Variants in CDHR3 observed in about 807,000 individuals in gnomAD.
The protein encoded by CDHR3 is cadherin related family member 3, also known as cadherin-related family member 3.
CDHR3 carries 79 observed loss-of-function variants against 86.6 expected under a neutral mutation model. That is an observed-to-expected ratio of 0.91 (90% CI 0.76 to 1.10). The LOEUF is 1.10. CDHR3 is among the 50% of genes least tolerant of loss of function. The pLI, the probability that CDHR3 is intolerant of heterozygous loss-of-function variation, is 0.00. For missense variants in CDHR3, 1,081 were observed against 1,077.6 expected (o/e 1.00, Z -0.04); for synonymous variants, 421 against 402.4 (o/e 1.05, Z -0.55).
chr7:106,032,409 T>G lies in CDHR3; in HGVS notation c.2370T>G (p.Tyr790Ter), dbSNP rs1400411313. 6.2e-7 allele frequency: 1 copy of G among 1,609,782 alleles called. No homozygotes were observed. Among genetic ancestry groups the G allele is most frequent in the South Asian group, 1.1e-5 (1 of 90,790 alleles). The stretch of plus-strand genomic sequence containing the variant: ...TTTCACTAGTGACCGGGGAAACATA[T>G]GAATTCAACTCAAAAACTGGAGCCA... ...EAIDPVTGET[Y>*]EFNSKTGARK... The change falls in exon 19 of 19, where the codon TAT (tyrosine) becomes TAG (stop). Residue 790 changes from tyrosine (Y) to a stop codon, truncating the protein, a stop_gained. Transcript: ENST00000317716. LOFTEE classifies it high-confidence loss of function.
chr7:106,015,237 C>T (rs746125598), intron 10 of CDHR3, 24 bp downstream of exon 10: 2 of 1,566,634 alleles, frequency 1.3e-6, no homozygotes, highest in Non-Finnish European at 1.7e-6. Context: ...TGTTTTATTT[C>T]ATGATTGTCT....
chr7:106,010,019 T>C (rs906486949), intron 8 of CDHR3, among the ~76,000 whole-genome samples: 1 of 152,230 alleles, frequency 6.6e-6, no homozygotes, highest in Middle Eastern at 3.4e-3. Context: ...ATACCAACTG[T>C]CAGGGACGAA....
intron 1 of CDHR3, among the ~76,000 whole-genome samples, chr7:105,969,361 C>T (rs1585478691): frequency 1.5e-5 from 2 of 134,006 alleles, no homozygotes; most frequent in South Asian, 4.8e-4. Flanking sequence ...GATTGCGCCA[C>T]TGCACTCCAG....
chr7:106,001,458 C>A lies in CDHR3; in HGVS notation c.714-4C>A. 1.2e-6 allele frequency: 2 copies of A among 1,613,600 alleles called. No individual in the cohort carries two copies. Among genetic ancestry groups the A allele is most frequent in the Non-Finnish European group, 1.7e-6 (2 of 1,179,544 alleles). ...TAGCTGTGTCTGCTGTATCTCTGTTCCAGCCCGACACGAGTGTACACAGTC... is the reference window on the plus strand; with the variant it reads ...TAGCTGTGTCTGCTGTATCTCTGTTACAGCCCGACACGAGTGTACACAGTC... On this transcript the variant is annotated splice_region_variant and splice_polypyrimidine_tract_variant and intron_variant, in intron 6 of 18. Coordinates refer to ENST00000317716, the MANE Select transcript of CDHR3 (RefSeq NM_152750.5).
intron 5 of CDHR3, among the ~76,000 whole-genome samples, chr7:105,995,608 G>A (rs1225285799): frequency 6.6e-6 from 1 of 152,180 alleles, no homozygotes; most frequent in African/African-American, 2.4e-5. Flanking sequence ...GCGAAGACTG[G>A]TAGTAAAGGA....
rs1197376175 is a variant in CDHR3 at position 106,023,208 on chromosome 7, T to TC, written c.2076+764dup. 3.3e-5 allele frequency among the ~76,000 whole-genome samples: 5 copies of TC among 152,172 alleles called. No individual in the cohort carries two copies. In the East Asian group the frequency reaches 9.6e-4, roughly 29 times the overall value. ...CAGGGAAGGATGCTGGAACCTGGAA[T>TC]CCCCAACTCTATCCCCTAACCTAAT... On this transcript the variant is annotated intron_variant, in intron 14 of 18. Coordinates refer to ENST00000317716, the MANE Select transcript of CDHR3 (RefSeq NM_152750.5).
intron 2 of CDHR3, among the ~76,000 whole-genome samples, chr7:105,980,622 AATTTTTTTTTTTTTTT>A: frequency 3.6e-5 from 1 of 28,144 alleles, no homozygotes; most frequent in African/African-American, 1.1e-4. Flanking sequence ...TTTTTTTTTT[AATTTTTTTTTTTTTTT>A]ATTATACTCT....
intron 14 of CDHR3, among the ~76,000 whole-genome samples, chr7:106,023,349 C>T (rs1341405623): frequency 6.6e-6 from 1 of 152,138 alleles, no homozygotes; most frequent in African/African-American, 2.4e-5. Flanking sequence ...AGATAGATTA[C>T]AAACAAGTAT....
At chr7:106,019,737 T>A (rs1260614520) in intron 12 of CDHR3, among the ~76,000 whole-genome samples, 1 of 152,166 alleles carries the variant, frequency 6.6e-6, no homozygotes, top group Non-Finnish European at 1.5e-5. Context: ...ACAGATGAGA[T>A]CCCAGCTTAA....
intron 8 of CDHR3, among the ~76,000 whole-genome samples, chr7:106,006,484 G>T (rs963579258): frequency 6.6e-6 from 1 of 152,182 alleles, no homozygotes; most frequent in African/African-American, 2.4e-5. Flanking sequence ...AGATACAATG[G>T]GGGTATAGGC....
At position 106,024,480 on chromosome 7, in the gene CDHR3, C is replaced by T. The variant is rs775073320; in HGVS notation, c.2176C>T (p.Leu726Phe). 8 of 1,613,922 alleles carry T rather than the reference C, an allele frequency of 5.0e-6. No homozygotes were observed. In the East Asian group the frequency reaches 1.6e-4, roughly 31 times the overall value. Residue 726 changes from leucine to phenylalanine, a missense_variant, in exon 15 of 19, where the codon CTC becomes TTC. By Grantham distance (22) the Leu-to-Phe change is conservative (BLOSUM62 0). Transcript: ENST00000317716. ...TTTGGGCTCCATATTGCTTCTGGGT[C>T]TCCTCGTGTACCTGGTCGTCCTATT... Reference protein sequence around the residue: ...ITLGSILLLGLLVYLVVLLAK... With the variant: ...ITLGSILLLGFLVYLVVLLAK...
intron 2 of CDHR3, among the ~76,000 whole-genome samples, chr7:105,977,310 C>T (rs773359205): frequency 4.0e-4 from 61 of 152,318 alleles, no homozygotes; most frequent in Admixed American, 1.3e-3. Flanking sequence ...GTATGTCTAT[C>T]GCTGTTTGTG....
chr7:105,982,566 C>G (rs1023183158), intron 3 of CDHR3, among the ~76,000 whole-genome samples: 30 of 152,158 alleles, frequency 2.0e-4, no homozygotes, highest in African/African-American at 7.2e-4. Flanking sequence ...CCTTCTCCCC[C>G]TCAGTCCCTG....
At chr7:106,011,300 T>C (rs1235077859) in intron 8 of CDHR3, among the ~76,000 whole-genome samples, 2 of 152,178 alleles carry the variant, frequency 1.3e-5, no homozygotes, top group Non-Finnish European at 2.9e-5. Flanking sequence ...CGTGAATTGC[T>C]TTGACCACTG....
In CDHR3 at chr7:106,030,682, T is replaced by G. The variant is rs201730969; in HGVS notation, c.2305-110T>G. The G allele has an allele frequency of 1.0e-6, 1 of 957,236 alleles. No individual in the cohort carries two copies. The highest frequency in any genetic ancestry group is 2.6e-5 in the East Asian group (1 of 38,128). The allele number at this position is 957,236 out of a possible 1,614,324, so 59.3% of individuals were successfully genotyped here. ...CTATCACAGTGCCTAATTAAAGACTTAGAAGTCAAGAAGGCTTTGGTTAAG... is the reference window on the plus strand; with the variant it reads ...CTATCACAGTGCCTAATTAAAGACTGAGAAGTCAAGAAGGCTTTGGTTAAG... On this transcript the variant is annotated intron_variant, in intron 17 of 18. Transcript: ENST00000317716. The surrounding 1 kb of genome is among the most constrained non-coding windows in gnomAD (Gnocchi z 4.8).
rs149780118 is a variant in CDHR3 at position 106,036,245 on chromosome 7, T to G, written c.*3548T>G. 1.4e-3 allele frequency: 208 copies of G among 152,332 alleles called. No individual in the cohort carries two copies. The highest frequency in any genetic ancestry group is 4.9e-3 in the African/African-American group (202 of 41,588). The allele number at this position is 152,332 out of a possible 1,614,324, so 9.4% of individuals were successfully genotyped here. A position where few individuals can be genotyped will look rare whatever the true frequency, so the allele number is the denominator to read the frequency against. ...GACACTTCTGCTCCCCAGAGCCCCCTTTCACATCTGGGGTTCTCATTGTTT... is the reference window on the plus strand; with the variant it reads ...GACACTTCTGCTCCCCAGAGCCCCCGTTCACATCTGGGGTTCTCATTGTTT... On this transcript the variant is annotated 3_prime_UTR_variant, in exon 19 of 19. Coordinates refer to ENST00000317716, the MANE Select transcript of CDHR3 (RefSeq NM_152750.5).
In CDHR3 at chr7:106,017,940, G is replaced by T; in HGVS notation, c.1521G>T (p.Gln507His). 1.9e-6 allele frequency: 3 copies of T among 1,613,092 alleles called. No homozygotes were observed. In the South Asian group the frequency reaches 3.3e-5, roughly 18 times the overall value. Reference protein sequence around the residue: ...YSISTGGASLQYPNVFWINPK... With the variant: ...YSISTGGASLHYPNVFWINPK... Reference sequence around the variant, plus strand: ...TCTCCACTGGAGGGGCCAGCCTCCAGTATCCAAATGTATTTTGGATTAATC... The same window carrying T: ...TCTCCACTGGAGGGGCCAGCCTCCATTATCCAAATGTATTTTGGATTAATC... Residue 507 changes from glutamine to histidine, a missense_variant, in exon 12 of 19, where the codon CAG becomes CAT. Gln to His is a conservative substitution (Grantham distance 24). Transcript: ENST00000317716.
intron 1 of CDHR3, among the ~76,000 whole-genome samples, chr7:105,968,364 T>A (rs1346876971): frequency 6.6e-6 from 1 of 152,118 alleles, no homozygotes; most frequent in African/African-American, 2.4e-5. Flanking sequence ...TTCTTTTTTT[T>A]ATTTTTTATT....
At chr7:106,020,318 G>A (rs1836367812) in intron 12 of CDHR3, 55 bp from the exon 13 acceptor site, 3 of 1,481,130 alleles carry the variant, frequency 2.0e-6, no homozygotes, top group Admixed American at 2.1e-5. Flanking sequence ...CCTACACACA[G>A]TAAGCACTCA....
Sources: gnomAD v4.1 joint callset for allele counts (sites outside exome capture counted in the v4.1 genomes callset) on GRCh38, gnomAD v4.1.1 for gene constraint, Gnocchi (gnomAD v3.1) non-coding constraint, MANE v1.5 for transcripts, NCBI Gene and HGNC (gene_info 2026-07-23, HGNC 2026-07-21) for gene names.